Variants in RIOX2 observed in about 807,000 individuals in gnomAD.
The protein encoded by RIOX2 is ribosomal oxygenase 2, also known as 60S ribosomal protein L27a histidine hydroxylase.
A neutral mutation model predicts 51.2 loss-of-function variants in RIOX2; 43 were observed. The ratio of observed to expected loss-of-function variants is 0.84; its 90% CI spans 0.66 to 1.08. RIOX2 has a LOEUF of 1.08. Among genes scored for constraint, RIOX2 ranks in the 50% least tolerant of loss-of-function variants. The pLI, the probability that RIOX2 is intolerant of heterozygous loss-of-function variation, is 0.00. For missense variants in RIOX2, 566 were observed against 561.7 expected, an observed-to-expected ratio of 1.01 and a Z score of -0.08; for synonymous variants, 226 against 218.5, an observed-to-expected ratio of 1.03 and a Z score of -0.30.
At chr3:97,953,566 A>G (rs2107154447) in intron 5 of RIOX2, among the ~76,000 whole-genome samples, 1 of 152,140 alleles carries the variant, frequency 6.6e-6, no homozygotes. Context: ...TTTTTTTAGT[A>G]GAGATGGGGT....
chr3:97,954,575 G>T, intron 4 of RIOX2, 80 bp from the exon 5 acceptor site: 4 of 1,170,594 alleles, frequency 3.4e-6, no homozygotes, highest in Non-Finnish European at 5.0e-6. Flanking sequence ...AGATAAATAT[G>T]GGCTTTGAGT....
intron 2 of RIOX2, among the ~76,000 whole-genome samples, chr3:97,962,384 G>C (rs560185992): frequency 9.9e-4 from 115 of 116,634 alleles, no homozygotes; most frequent in Admixed American, 1.7e-3. Flanking sequence ...ACATGGAGAT[G>C]TCTTTAAGTC....
rs777509209 is a variant in RIOX2, at chr3:97,967,274, T to C, written c.320A>G (p.Asn107Ser). 9.3e-6 allele frequency: 15 copies of C among 1,614,082 alleles called. No individual in the cohort carries two copies. The highest frequency in any genetic ancestry group is 7.7e-5 in the South Asian group (7 of 91,080). Residue 107 changes from asparagine to serine, a missense_variant, in exon 2 of 10, where the codon AAT (asparagine) becomes AGT (serine). Asn to Ser is a conservative substitution (Grantham distance 46, BLOSUM62 1). Coordinates refer to ENST00000394198, the MANE Select transcript of RIOX2 (RefSeq NM_153182.4). Reference sequence around the variant, plus strand: ...TTTATTTAAAACCTTCTTCTTCCCATTGACACACCGGCAGACATTCACATC... The same window carrying C: ...TTTATTTAAAACCTTCTTCTTCCCACTGACACACCGGCAGACATTCACATC... ...GRDVNVCRCV[N>S]GKKKVLNKDG...
At chr3:97,947,187 T>C (rs1490246595) in intron 8 of RIOX2, among the ~76,000 whole-genome samples, 174 bp downstream of exon 8, 1 of 151,828 alleles carries the variant, frequency 6.6e-6, no homozygotes, top group Admixed American at 6.6e-5. Context: ...GGCAAGAAAA[T>C]ATGGAATTGG....
intron 3 of RIOX2, among the ~76,000 whole-genome samples, chr3:97,959,740 T>A (rs1308781629): frequency 6.6e-6 from 1 of 152,172 alleles, no homozygotes; most frequent in Non-Finnish European, 1.5e-5. Flanking sequence ...GAATTAAGAA[T>A]GTCATAAATG....
chr3:97,953,441 C>T (rs1014237071), intron 5 of RIOX2, among the ~76,000 whole-genome samples: 9 of 151,604 alleles, frequency 5.9e-5, no homozygotes, highest in East Asian at 5.8e-4. Context: ...AGTGCAGTGG[C>T]GTGATTTGGA....
rs571632618 is a variant in RIOX2 at position 97,972,012 on chromosome 3, C to T, written c.-40+369G>A. On this transcript the variant is annotated intron_variant, in intron 1 of 9. Coordinates refer to ENST00000394198, the MANE Select transcript of RIOX2 (RefSeq NM_153182.4). Reference sequence around the variant, plus strand: ...GGAAGCCGTGCTCGCACAGGCAGTTCTGCCACCACCGGGCGGAGGCCGGCA... The same window carrying T: ...GGAAGCCGTGCTCGCACAGGCAGTTTTGCCACCACCGGGCGGAGGCCGGCA... 8 of 152,390 alleles carry T rather than the reference C, an allele frequency of 5.2e-5. No individual in the cohort carries two copies. The South Asian group carries it at 1.5e-3, about 28-fold the overall frequency. 9.4% of individuals were successfully genotyped at this position (152,390 alleles called of 1,614,324 possible). A position where few individuals can be genotyped will look rare whatever the true frequency, so the allele number is the denominator to read the frequency against.
At chr3:97,953,090 C>T (rs1251927479) in intron 5 of RIOX2, among the ~76,000 whole-genome samples, 4 of 152,124 alleles carry the variant, frequency 2.6e-5, no homozygotes, top group Non-Finnish European at 5.9e-5. Flanking sequence ...AGAATGTCCT[C>T]TCCTACTCTG....
rs1184260051 is a variant in RIOX2, at chr3:97,947,409, C to T, written c.1101G>A (p.Gln367=). 2 of 1,613,446 alleles carry T rather than the reference C, an allele frequency of 1.2e-6. No individual in the cohort carries two copies. The highest frequency in any genetic ancestry group is 1.7e-5 in the Admixed American group (1 of 59,982). The change falls in exon 8 of 10, where the codon CAG becomes CAA. Residue 367 remains glutamine (Q), a synonymous_variant. Coordinates refer to ENST00000394198, the MANE Select transcript of RIOX2 (RefSeq NM_153182.4). ...CTGTGAGGACAATGTGGTCTTTAAACTGCAGTCTCACTACACTGTCCAGCC... is the reference window on the plus strand; with the variant it reads ...CTGTGAGGACAATGTGGTCTTTAAATTGCAGTCTCACTACACTGTCCAGCC... ...LPRLDSVVRL[Q]FKDHIVLTVL...
chr3:97,958,945 C>T lies in RIOX2; in HGVS notation c.681+106G>A, dbSNP rs567385185. 3.1e-3 allele frequency: 3,887 copies of T among 1,273,120 alleles called. 16 individuals are homozygous for T. Among genetic ancestry groups the T allele is most frequent in the Middle Eastern group, 7.6e-3 (38 of 4,992 alleles). 78.9% of individuals were successfully genotyped at this position (1,273,120 alleles called of 1,614,324 possible). A position where few individuals can be genotyped will look rare whatever the true frequency, so the allele number is the denominator to read the frequency against. ...CCTGAAACCCAGGGATATATTCCCA[C>T]GGGGACCATCACACGAACTCTAAAC... On this transcript the variant is annotated intron_variant, in intron 4 of 9. Coordinates refer to ENST00000394198, the MANE Select transcript of RIOX2 (RefSeq NM_153182.4).
In RIOX2 at chr3:97,959,135, G is replaced by A. The variant is rs780368617; in HGVS notation, c.597C>T (p.Tyr199=). ...QLEGEKHWRL[Y]HPTVPLAREY... ...CTCGTGCCAGGGGCACAGTGGGGTG[G>A]TAGAGGCGCCAGTGTTTCTCTCCCT... Residue 199 remains tyrosine (Y), a synonymous_variant, in exon 4 of 10, where the codon TAC becomes TAT. Transcript: ENST00000394198. 4 of 1,613,986 alleles carry A rather than the reference G, an allele frequency of 2.5e-6. No individual in the cohort carries two copies. The highest frequency in any genetic ancestry group is 3.4e-6 in the Non-Finnish European group (4 of 1,179,972).
rs1286559319 is a variant in RIOX2 at position 97,963,701 on chromosome 3, T to C, written c.433-1993A>G. Among the ~76,000 whole-genome samples the C allele has an allele frequency of 2.6e-5, 4 of 152,300 alleles. No homozygotes were observed. The East Asian group carries it at 7.7e-4, about 29-fold the overall frequency. ...CAGGACTGTATAGGTGATTTTATGG[T>C]TCCCGACCCAACTATCAGGGTAACT... On this transcript the variant is annotated intron_variant, in intron 2 of 9. Coordinates refer to ENST00000394198, the MANE Select transcript of RIOX2 (RefSeq NM_153182.4).
At chr3:97,951,759 G>A (rs1705264931) in intron 5 of RIOX2, among the ~76,000 whole-genome samples, 1 of 152,186 alleles carries the variant, frequency 6.6e-6, no homozygotes, top group Admixed American at 6.5e-5. Flanking sequence ...TTGCAAAGGA[G>A]GACAAAAGCC....
At chr3:97,963,864 G>A (rs573277859) in intron 2 of RIOX2, among the ~76,000 whole-genome samples, 14 of 152,126 alleles carry the variant, frequency 9.2e-5, no homozygotes, top group Admixed American at 4.6e-4. Flanking sequence ...AAACCACCTC[G>A]GTTCAAGTTA....
rs1221438669 is a variant in RIOX2, at chr3:97,964,716, AAAAAAGAAG to A, written c.432+2437_432+2445del. Among the ~76,000 whole-genome samples the A allele has an allele frequency of 3.4e-5, 5 of 148,358 alleles. No individual in the cohort carries two copies. In the Admixed American group the frequency reaches 3.4e-4, roughly 10 times the overall value. ...TGTCTTAAAAAAAAAAAAAAAAAAA[AAAAAAGAAG>A]GAAAGAAAAAAAAGAAAATGGAACA... On this transcript the variant is annotated intron_variant, in intron 2 of 9. Coordinates refer to ENST00000394198, the MANE Select transcript of RIOX2 (RefSeq NM_153182.4).
intron 8 of RIOX2, among the ~76,000 whole-genome samples, chr3:97,946,887 C>T (rs534571554): frequency 1.8e-4 from 28 of 152,004 alleles, no homozygotes; most frequent in Non-Finnish European, 3.4e-4. Flanking sequence ...CCAATTGACT[C>T]CATGATCAGT....
chr3:97,955,517 T>TA (rs906196531), intron 4 of RIOX2, among the ~76,000 whole-genome samples: 42 of 147,392 alleles, frequency 2.8e-4, no homozygotes, highest in East Asian at 7.9e-4. Context: ...AATGCCAGCT[T>TA]AAAAAAAAAA....
At chr3:97,958,069 T>C (rs974677822) in intron 4 of RIOX2, among the ~76,000 whole-genome samples, 2 of 152,216 alleles carry the variant, frequency 1.3e-5, no homozygotes, top group African/African-American at 4.8e-5. Flanking sequence ...CCTTTACTGT[T>C]GTTTATTGAT....
At position 97,942,126 on chromosome 3, in the gene RIOX2, A is replaced by T; in HGVS notation, c.*3058T>A. The stretch of plus-strand genomic sequence containing the variant: ...TACCCACAGCCGTAAAGAAGACATT[A>T]AAAAAGGCTTACTGAAATTATACTA... On this transcript the variant is annotated 3_prime_UTR_variant, in exon 10 of 10. Coordinates refer to ENST00000394198, the MANE Select transcript of RIOX2 (RefSeq NM_153182.4). 1 of 489,744 alleles carries T rather than the reference A, an allele frequency of 2.0e-6. No individual in the cohort carries two copies. The highest frequency in any genetic ancestry group is 3.4e-5 in the East Asian group (1 of 29,594). 30.3% of individuals were successfully genotyped at this position (489,744 alleles called of 1,614,324 possible).
Sources: allele counts gnomAD v4.1 joint callset (sites outside exome capture counted in the v4.1 genomes callset), GRCh38; gene constraint gnomAD v4.1.1; transcripts MANE v1.5; gene names NCBI Gene and HGNC (gene_info 2026-07-23, HGNC 2026-07-21).